PLAC9: variants seen among roughly 807,000 people sequenced by gnomAD.
PLAC9 encodes the protein placenta associated 9, also known as placenta-specific protein 9.
A neutral mutation model predicts 11.5 loss-of-function variants in PLAC9; 12 were observed. That is an observed-to-expected ratio of 1.05 (90% CI 0.67 to 1.69). The LOEUF is 1.69. Among genes scored for constraint, PLAC9 ranks in the 40% most tolerant of loss-of-function variants. The pLI is 0.00. For missense variants in PLAC9, 132 were observed against 130.5 expected (o/e 1.01, Z -0.06); for synonymous variants, 62 against 58.1 (o/e 1.07, Z -0.31).
At position 80,143,891 on chromosome 10, in the gene PLAC9, G is replaced by T. The variant is rs113096072; in HGVS notation, c.163-332G>T. Among the ~76,000 whole-genome samples the T allele has an allele frequency of 8.3e-3, 1,269 of 152,276 alleles. 23 individuals are homozygous for T. Among genetic ancestry groups the T allele is most frequent in the African/African-American group, 0.029 (1,207 of 41,536 alleles). ...AATCCCAAACCTGTCATTTGGCAGA[G>T]ATACCACCAGGGGGCGGAACAACAA... is the stretch of plus-strand genomic sequence containing the variant. On this transcript the variant is annotated intron_variant, in intron 2 of 3. Transcript: ENST00000372263.
At chr10:80,141,062 A>G (rs1845035091) in intron 1 of PLAC9, among the ~76,000 whole-genome samples, 1 of 152,210 alleles carries the variant, frequency 6.6e-6, no homozygotes, top group Non-Finnish European at 1.5e-5. Flanking sequence ...TACATGGTGC[A>G]TGGTAAGCAC....
At chr10:80,142,986 G>T (rs189560968) in intron 2 of PLAC9, among the ~76,000 whole-genome samples, 1 of 152,082 alleles carries the variant, frequency 6.6e-6, no homozygotes, top group Non-Finnish European at 1.5e-5. Context: ...GCCTCCCAAG[G>T]TGCTGGGATT....
In PLAC9 at chr10:80,136,879, C is replaced by T. The variant is rs141652189; in HGVS notation, c.64+4053C>T. Among the ~76,000 whole-genome samples, 786 of 152,220 alleles carry T rather than the reference C, an allele frequency of 5.2e-3. 1 individual carries two copies. Among genetic ancestry groups the T allele is most frequent in the Middle Eastern group, 0.01 (3 of 294 alleles). ...ACAGAAGAATTAAGGATGCGCTACA[C>T]GGGGGAGTCAGGGCCTCAGGCCTAC... On this transcript the variant is annotated intron_variant, in intron 1 of 3. Coordinates refer to ENST00000372263, the MANE Select transcript of PLAC9 (RefSeq NM_001012973.3).
At chr10:80,139,119 T>C (rs1434005611) in intron 1 of PLAC9, among the ~76,000 whole-genome samples, 1 of 151,744 alleles carries the variant, frequency 6.6e-6, no homozygotes, top group Non-Finnish European at 1.5e-5. Context: ...GCCCGGCTAA[T>C]TTTTTTGTAT....
intron 1 of PLAC9, among the ~76,000 whole-genome samples, chr10:80,135,080 T>C (rs1458126310): frequency 4.6e-5 from 7 of 151,924 alleles, no homozygotes; most frequent in East Asian, 1.9e-4. Flanking sequence ...AGTGCAGTGG[T>C]GCGATCTCCG....
At chr10:80,136,991 A>C (rs1318455952) in intron 1 of PLAC9, among the ~76,000 whole-genome samples, 2 of 152,240 alleles carry the variant, frequency 1.3e-5, no homozygotes, top group Admixed American at 1.3e-4. Flanking sequence ...TGGCTGAACC[A>C]GGCTGAGAAA....
At chr10:80,142,826 C>T (rs1845056370) in intron 2 of PLAC9, among the ~76,000 whole-genome samples, 1 of 151,916 alleles carries the variant, frequency 6.6e-6, no homozygotes, top group Non-Finnish European at 1.5e-5. Flanking sequence ...TCAAGCAATC[C>T]TCCCACCTCA....
At position 80,142,150 on chromosome 10, in the gene PLAC9, G is replaced by A. The variant is rs1440990425; in HGVS notation, c.133G>A (p.Val45Met). 1.9e-6 allele frequency: 3 copies of A among 1,609,738 alleles called. No individual in the cohort carries two copies. Among genetic ancestry groups the A allele is most frequent in the African/African-American group, 2.7e-5 (2 of 74,878 alleles). ...CACAGCGTGTGACAGACACATGGCT[G>A]TGCAACGCCGTCTAGATGTCATGGA... ...QSTACDRHMA[V>M]QRRLDVMEEM... The change falls in exon 2 of 4, where the codon GTG becomes ATG. Residue 45 changes from valine (V) to methionine (M), a missense_variant. Transcript: ENST00000372263.
In PLAC9 at chr10:80,144,303, GC is replaced by G; in HGVS notation, c.248del (p.Pro83ArgfsTer46). The G allele has an allele frequency of 6.2e-7, 1 of 1,612,464 alleles. No homozygotes were observed. The highest frequency in any genetic ancestry group is 8.5e-7 in the Non-Finnish European group (1 of 1,179,938). ...TGCTGGAGGAGCTGGCCTGGAACCT[GC>G]CCCCGGGACCCTTCAGCCCCGCTCC... Reference protein sequence around the residue: ...GLLEELAWNLPPGPFSPAPDL... With the variant: ...GLLEELAWNLXPGPFSPAPDL... On this transcript the variant is annotated frameshift_variant, in exon 3 of 4. Coordinates refer to ENST00000372263, the MANE Select transcript of PLAC9 (RefSeq NM_001012973.3). LOFTEE classifies it high-confidence loss of function.
intron 1 of PLAC9, among the ~76,000 whole-genome samples, chr10:80,133,549 C>T (rs1252859238): frequency 6.6e-6 from 1 of 152,156 alleles, no homozygotes; most frequent in Admixed American, 6.5e-5. Context: ...AAGTCAGCCT[C>T]CCGGTTTCCA....
rs1564591727 is a variant in PLAC9, at chr10:80,144,932, A to G, written c.*22A>G. On this transcript the variant is annotated 3_prime_UTR_variant, in exon 4 of 4. Coordinates refer to ENST00000372263, the MANE Select transcript of PLAC9 (RefSeq NM_001012973.3). ...CTGAGCCCTGGAGCTGGAGCCCAGC[A>G]GTTGGAGGTGGTGCACCTGCCAGGC... The G allele has an allele frequency of 1.3e-6, 2 of 1,570,606 alleles. No homozygotes were observed. Among genetic ancestry groups the G allele is most frequent in the African/African-American group, 2.7e-5 (2 of 74,290 alleles).
At chr10:80,134,284 G>C (rs572549478) in intron 1 of PLAC9, among the ~76,000 whole-genome samples, 1 of 127,322 alleles carries the variant, frequency 7.9e-6, no homozygotes, top group African/African-American at 3.0e-5. Flanking sequence ...TTTTTTTTGA[G>C]ACAGGATTTC....
At chr10:80,133,264 T>A (rs1269682323) in intron 1 of PLAC9, among the ~76,000 whole-genome samples, 1 of 152,170 alleles carries the variant, frequency 6.6e-6, no homozygotes, top group Non-Finnish European at 1.5e-5. Flanking sequence ...GGAAGCTCGA[T>A]GCCCGGAGTA....
At position 80,132,767 on chromosome 10, in the gene PLAC9, G is replaced by A; in HGVS notation, c.5G>A (p.Arg2Gln). 2.0e-6 allele frequency: 3 copies of A among 1,480,472 alleles called. No homozygotes were observed. Among genetic ancestry groups the A allele is most frequent in the Admixed American group, 2.3e-5 (1 of 43,358 alleles). 91.7% of individuals were successfully genotyped at this position (1,480,472 alleles called of 1,614,324 possible). The change falls in exon 1 of 4, where the codon CGG becomes CAG. Residue 2 changes from arginine to glutamine, a missense_variant. Coordinates refer to ENST00000372263, the MANE Select transcript of PLAC9 (RefSeq NM_001012973.3). M[R>Q]PLLCALTGLA... ...GCGCTCGGCCAGGCCGGCACCATGCGGCCCCTGCTCTGCGCGCTGACCGGA... is the reference window on the plus strand; with the variant it reads ...GCGCTCGGCCAGGCCGGCACCATGCAGCCCCTGCTCTGCGCGCTGACCGGA...
intron 1 of PLAC9, among the ~76,000 whole-genome samples, chr10:80,139,205 G>A (rs528013755): frequency 1.3e-3 from 202 of 152,244 alleles, no homozygotes; most frequent in African/African-American, 4.7e-3. Context: ...GCCCGCCTCG[G>A]CCTCCCAAAG....
upstream of PLAC9, chr10:80,132,697 G>A: frequency 7.5e-7 from 1 of 1,340,148 alleles, no homozygotes; most frequent in Non-Finnish European, 9.8e-7. Context: ...TCTCGGGCCG[G>A]CCGGGTGCGA....
intron 1 of PLAC9, among the ~76,000 whole-genome samples, chr10:80,139,670 G>A (rs1169273930): frequency 6.6e-6 from 1 of 151,902 alleles, no homozygotes; most frequent in Non-Finnish European, 1.5e-5. Context: ...CTGATGGACT[G>A]GCTCTCAAAA....
At chr10:80,143,136 T>C (rs1845059948) in intron 2 of PLAC9, among the ~76,000 whole-genome samples, 1 of 152,012 alleles carries the variant, frequency 6.6e-6, no homozygotes, top group South Asian at 2.1e-4. Flanking sequence ...CCTCCCAGGT[T>C]CCAGTGATTC....
chr10:80,144,795 G>GT, intron 3 of PLAC9, 105 bp from the exon 4 acceptor site: 1 of 1,213,000 alleles, frequency 8.2e-7, no homozygotes, highest in Non-Finnish European at 1.1e-6. Context: ...GCGCGCAGTA[G>GT]TTCCTGGGGG....
Sources: allele counts gnomAD v4.1 joint callset (sites outside exome capture counted in the v4.1 genomes callset), GRCh38; gene constraint gnomAD v4.1.1; transcripts MANE v1.5; gene names NCBI Gene and HGNC (gene_info 2026-07-23, HGNC 2026-07-21).